PTPRT: variants seen among roughly 807,000 people sequenced by gnomAD.
PTPRT encodes protein tyrosine phosphatase receptor type T.
In PTPRT, 56 loss-of-function variants were observed where a neutral mutation model predicts 176.8. That is an observed-to-expected ratio of 0.32 (90% CI 0.26 to 0.40). The LOEUF is 0.40. PTPRT is among the 10% of genes least tolerant of loss of function. The pLI, the probability that PTPRT is intolerant of heterozygous loss-of-function variation, is 1.00. For missense variants in PTPRT, 1,540 were observed against 1,908.2 expected (o/e 0.81, Z 3.60); for synonymous variants, 783 against 739.0 (o/e 1.06, Z -0.96).
intron 1 of PTPRT, among the ~76,000 whole-genome samples, chr20:42,894,112 A>G (rs1022137064): frequency 2.6e-5 from 4 of 152,318 alleles, no homozygotes; most frequent in African/African-American, 7.2e-5. Flanking sequence ...CCGAGAAAGA[A>G]GGGAAGTCCA....
At position 43,023,213 on chromosome 20, in the gene PTPRT, G is replaced by T. The variant is rs908201166; in HGVS notation, c.89-137281C>A. 2.6e-5 allele frequency among the ~76,000 whole-genome samples: 4 copies of T among 152,154 alleles called. 1 individual carries two copies. The highest frequency in any genetic ancestry group is 9.7e-5 in the African/African-American group (4 of 41,440). ...TAACAGAAAATGGCCCTACACCTCT[G>T]AAGTGAGCCCACTCCCCAAACAAGG... is the stretch of plus-strand genomic sequence containing the variant. On this transcript the variant is annotated intron_variant, in intron 1 of 30. Transcript: ENST00000373187.
chr20:42,468,278 G>A (rs1028821165), intron 8 of PTPRT, among the ~76,000 whole-genome samples: 17 of 152,168 alleles, frequency 1.1e-4, no homozygotes, highest in African/African-American at 3.9e-4. Flanking sequence ...CTCCCGGAGG[G>A]GGGTTTCAGT....
At chr20:43,171,467 A>G (rs907398581) in intron 1 of PTPRT, among the ~76,000 whole-genome samples, 5 of 152,190 alleles carry the variant, frequency 3.3e-5, no homozygotes, top group Admixed American at 1.3e-4. Flanking sequence ...ATAAAACACA[A>G]AGATAAACAA....
intron 7 of PTPRT, among the ~76,000 whole-genome samples, chr20:42,634,297 T>C (rs1025466435): frequency 1.4e-5 from 2 of 147,778 alleles, no homozygotes; most frequent in Non-Finnish European, 3.0e-5. Context: ...TGTTCATTGC[T>C]GGGTTGAGGT....
chr20:42,708,314 T>A lies in PTPRT; in HGVS notation c.860-30155A>T, dbSNP rs1179207384. On this transcript the variant is annotated intron_variant, in intron 6 of 30. Transcript: ENST00000373187. ...AGATTTTTCTTGCCCCCAGCCCACATTGAACAGACAGGATAGACTCTAATA... is the reference window on the plus strand; with the variant it reads ...AGATTTTTCTTGCCCCCAGCCCACAATGAACAGACAGGATAGACTCTAATA... 1.6e-4 allele frequency among the ~76,000 whole-genome samples: 24 copies of A among 152,186 alleles called. 1 individual carries two copies. Among genetic ancestry groups the A allele is most frequent in the Admixed American group, 1.6e-3 (24 of 15,286 alleles).
rs764919361 is a variant in PTPRT, at chr20:42,350,644, G to A, written c.1849C>T (p.Arg617Trp). Residue 617 changes from arginine to tryptophan, a missense_variant, in exon 11 of 31, where the codon CGG becomes TGG. By Grantham distance (101) the Arg-to-Trp change is moderately radical (BLOSUM62 -3). Transcript: ENST00000373187. ...CATCCTCACCTGACAGGAGCTCCCC[G>A]GGACTGAGCGGGTTTCAGCATCACT... ...ITVMLKPAQS[R>W]GAPVSVYQLV... 3.1e-6 allele frequency: 5 copies of A among 1,611,356 alleles called. No individual in the cohort carries two copies. The highest frequency in any genetic ancestry group is 2.2e-5 in the East Asian group (1 of 44,858).
rs201228742 is a variant in PTPRT, at chr20:42,573,745, C to CT, written c.1154-101184dup. 2.2e-3 allele frequency among the ~76,000 whole-genome samples: 250 copies of CT among 115,438 alleles called. 3 individuals are homozygous for CT. Among genetic ancestry groups the CT allele is most frequent in the South Asian group, 0.015 (46 of 3,142 alleles). The allele number at this position is 115,438 out of a possible 152,430, so 75.7% of individuals were successfully genotyped here. On this transcript the variant is annotated intron_variant, in intron 7 of 30. Coordinates refer to ENST00000373187, the MANE Select transcript of PTPRT (RefSeq NM_007050.6). Reference sequence around the variant, plus strand: ...AAATGGCAAGACGGACCCTTTCTTTCTTTCTTTTTTTTTTTTTTTTTGAGA... The same window carrying CT: ...AAATGGCAAGACGGACCCTTTCTTTCTTTTCTTTTTTTTTTTTTTTTTGAGA...
At chr20:43,136,301 C>T (rs1164480940) in intron 1 of PTPRT, among the ~76,000 whole-genome samples, 2 of 152,136 alleles carry the variant, frequency 1.3e-5, no homozygotes, top group Non-Finnish European at 2.9e-5. Flanking sequence ...ACATGGAACC[C>T]ATAAAGAAAT....
In PTPRT at chr20:43,172,278, C is replaced by T. The variant is rs544594900; in HGVS notation, c.88+17368G>A. 4.0e-4 allele frequency among the ~76,000 whole-genome samples: 61 copies of T among 152,336 alleles called. 3 individuals carry two copies. The highest frequency in any genetic ancestry group is 3.4e-3 in the Middle Eastern group (1 of 294). ...TAATTTCCAAAACTGACAAACAGCTCTTCTATTTCTTCCTAAAGTAACAGC... is the reference window on the plus strand; with the variant it reads ...TAATTTCCAAAACTGACAAACAGCTTTTCTATTTCTTCCTAAAGTAACAGC... On this transcript the variant is annotated intron_variant, in intron 1 of 30. Transcript: ENST00000373187.
At chr20:42,843,229 C>T (rs7262282) in intron 2 of PTPRT, among the ~76,000 whole-genome samples, 12,211 of 152,124 alleles carry the variant, frequency 0.08, 597 homozygotes, top group Admixed American at 0.15. Flanking sequence ...TAATAGCTTC[C>T]GATAGACAAT....
chr20:42,853,450 G>T (rs1459412108), intron 2 of PTPRT, among the ~76,000 whole-genome samples: 1 of 152,138 alleles, frequency 6.6e-6, no homozygotes, highest in South Asian at 2.1e-4. Flanking sequence ...ATAACTCTCA[G>T]TCTGAGGCCA....
rs1485029942 is a variant in PTPRT at position 42,976,408 on chromosome 20, T to A, written c.89-90476A>T. On this transcript the variant is annotated intron_variant, in intron 1 of 30. Transcript: ENST00000373187. ...AAGTATAGTATGCATTTTTTATTTA[T>A]TTTTTTTTTTTTATTGAGACAGAGT... Among the ~76,000 whole-genome samples the A allele has an allele frequency of 2.2e-5, 3 of 133,978 alleles. No homozygotes were observed. The East Asian group carries it at 6.0e-4, about 27-fold the overall frequency. 87.9% of individuals were successfully genotyped at this position (133,978 alleles called of 152,430 possible). A position where few individuals can be genotyped will look rare whatever the true frequency, so the allele number is the denominator to read the frequency against.
chr20:42,778,801 G>A (rs1569151438), intron 4 of PTPRT, among the ~76,000 whole-genome samples: 1 of 152,180 alleles, frequency 6.6e-6, no homozygotes, highest in Non-Finnish European at 1.5e-5. Context: ...GCATAGCTGG[G>A]GGGATTTCTG....
At chr20:42,474,048 C>G (rs768378445) in intron 7 of PTPRT, among the ~76,000 whole-genome samples, 1 of 152,150 alleles carries the variant, frequency 6.6e-6, no homozygotes. Flanking sequence ...GCAGTTAGAA[C>G]TCAAACTTAA....
chr20:42,948,101 A>G (rs906319940), intron 1 of PTPRT, among the ~76,000 whole-genome samples: 1 of 152,198 alleles, frequency 6.6e-6, no homozygotes, highest in Non-Finnish European at 1.5e-5. Flanking sequence ...AGAAAGTGAC[A>G]TGCCAATGGT....
chr20:43,119,830 G>C lies in PTPRT; in HGVS notation c.88+69816C>G, dbSNP rs529427094. On this transcript the variant is annotated intron_variant, in intron 1 of 30. Coordinates refer to ENST00000373187, the MANE Select transcript of PTPRT (RefSeq NM_007050.6). ...AGTCAGGAGTTTCCTCCAAGCACCT[G>C]TTAAGTGGCATCATATAAATAGCAA... Among the ~76,000 whole-genome samples, 13 of 152,316 alleles carry C rather than the reference G, an allele frequency of 8.5e-5. No homozygotes were observed. The South Asian group carries it at 2.7e-3, about 32-fold the overall frequency.
Position 42,822,172 on chromosome 20 carries a change from C to A in PTPRT, c.215-30706G>T, listed in dbSNP as rs208225. Among the ~76,000 whole-genome samples the A allele has an allele frequency of 5.7e-4, 87 of 152,244 alleles. 1 individual carries two copies. Among genetic ancestry groups the A allele is most frequent in the African/African-American group, 2.1e-3 (86 of 41,526 alleles). ...AACTATACTACAAGGATACAGCAAC[C>A]AAAACAGCATGGTACCTGTACCAAA... On this transcript the variant is annotated intron_variant, in intron 2 of 30. Coordinates refer to ENST00000373187, the MANE Select transcript of PTPRT (RefSeq NM_007050.6).
chr20:42,453,392 T>C (rs897216483), intron 8 of PTPRT, among the ~76,000 whole-genome samples: 1 of 143,350 alleles, frequency 7.0e-6, no homozygotes, highest in African/African-American at 2.8e-5. Flanking sequence ...GACTTTATTA[T>C]TGTTCATATT....
Position 42,080,373 on chromosome 20 carries a change from A to G in PTPRT, c.*506T>C. ...GTAAGGTCACACTGGTCCAGACTGC[A>G]AATGTCTGGTGCCAGAGGCCCCTGA... On this transcript the variant is annotated 3_prime_UTR_variant, in exon 31 of 31. Transcript: ENST00000373187. 4.3e-6 allele frequency: 1 copy of G among 234,404 alleles called. No individual in the cohort carries two copies. The highest frequency in any genetic ancestry group is 6.1e-5 in the East Asian group (1 of 16,388). 14.5% of individuals were successfully genotyped at this position (234,404 alleles called of 1,614,324 possible). A position where few individuals can be genotyped will look rare whatever the true frequency, so the allele number is the denominator to read the frequency against.
Sources: allele counts gnomAD v4.1 joint callset (sites outside exome capture counted in the v4.1 genomes callset), GRCh38; gene constraint gnomAD v4.1.1; transcripts MANE v1.5; gene names NCBI Gene and HGNC (gene_info 2026-07-23, HGNC 2026-07-21).